The following GREB1L variants were observed in gnomAD, a reference collection of about 807,000 sequenced individuals.
GREB1L encodes the protein GREB1 like retinoic acid receptor coactivator.
Under a neutral mutation model 200.8 loss-of-function variants are expected in GREB1L, and 17 were observed. The ratio of observed to expected loss-of-function variants is 0.08; its 90% confidence interval spans 0.06 to 0.13. GREB1L has a LOEUF of 0.13. Among genes scored for constraint, GREB1L ranks in the 10% least tolerant of loss-of-function variants. The pLI, the probability that GREB1L is intolerant of heterozygous loss-of-function variation, is 1.00. For synonymous variants in GREB1L, 789 were observed against 893.0 expected (o/e 0.88, Z 2.08); for missense variants, 1,657 against 2,367.7 (o/e 0.70, Z 6.23).
chr18:21,481,424 C>T (rs1240535288), intron 17 of GREB1L, among the ~76,000 whole-genome samples: 2 of 140,332 alleles, frequency 1.4e-5, no homozygotes, highest in Non-Finnish European at 3.1e-5. Context: ...GATTTTTGAG[C>T]AACAGTATAT....
chr18:21,448,494 G>A (rs1182764975), intron 11 of GREB1L, among the ~76,000 whole-genome samples: 1 of 152,158 alleles, frequency 6.6e-6, no homozygotes, highest in Admixed American at 6.6e-5. Context: ...ACTCATTTGT[G>A]GTGCCTCCTT....
chr18:21,265,078 G>A (rs2037945440), intron 1 of GREB1L, among the ~76,000 whole-genome samples: 1 of 151,984 alleles, frequency 6.6e-6, no homozygotes, highest in Non-Finnish European at 1.5e-5. Flanking sequence ...TCAGATTAGA[G>A]CAATTCAGAT....
intron 25 of GREB1L, among the ~76,000 whole-genome samples, chr18:21,507,872 G>A (rs1286385835): frequency 6.6e-6 from 1 of 152,204 alleles, no homozygotes; most frequent in Non-Finnish European, 1.5e-5. Context: ...GCAGTGCCAG[G>A]CAACAAGTAC....
At chr18:21,289,014 G>A (rs535906662) in intron 1 of GREB1L, among the ~76,000 whole-genome samples, 135 of 152,256 alleles carry the variant, frequency 8.9e-4, no homozygotes, top group African/African-American at 3.2e-3. Context: ...GGGATTACAG[G>A]CGTGAGCCAC....
chr18:21,500,660 G>C lies in GREB1L; in HGVS notation c.4072+18G>C. On this transcript the variant is annotated intron_variant, in intron 23 of 32. Transcript: ENST00000424526. The stretch of plus-strand genomic sequence containing the variant: ...CAACACCGGTGAGTGCTGAGCCCAG[G>C]GAGTGGGCAGAGGGGCAAGAGACAA... 1.3e-6 allele frequency: 2 copies of C among 1,481,498 alleles called. No individual in the cohort carries two copies. Among genetic ancestry groups the C allele is most frequent in the Non-Finnish European group, 1.8e-6 (2 of 1,101,024 alleles). The allele number at this position is 1,481,498 out of a possible 1,614,324, so 91.8% of individuals were successfully genotyped here. A position where few individuals can be genotyped will look rare whatever the true frequency, so the allele number is the denominator to read the frequency against.
intron 1 of GREB1L, among the ~76,000 whole-genome samples, chr18:21,298,646 T>C (rs901167482): frequency 2.0e-5 from 3 of 152,208 alleles, no homozygotes; most frequent in Admixed American, 2.0e-4. Context: ...TACTTTGCCA[T>C]ATACATTTGT....
At chr18:21,400,689 G>A (rs1311269707) in intron 5 of GREB1L, among the ~76,000 whole-genome samples, 2 of 152,176 alleles carry the variant, frequency 1.3e-5, no homozygotes, top group Non-Finnish European at 2.9e-5. Flanking sequence ...TCCCAGACTG[G>A]GTCAGACGGT....
At chr18:21,379,969 C>T (rs567470956) in intron 2 of GREB1L, among the ~76,000 whole-genome samples, 1 of 152,238 alleles carries the variant, frequency 6.6e-6, no homozygotes, top group African/African-American at 2.4e-5. Flanking sequence ...ATTTTATATA[C>T]ATATGCAACT....
chr18:21,414,741 AAAGGGAGAACACCACGGT>A, intron 7 of GREB1L, among the ~76,000 whole-genome samples: 1 of 152,314 alleles, frequency 6.6e-6, no homozygotes, highest in East Asian at 1.9e-4. Context: ...ACAGGAAAAC[AAAGGGAGAACACCACGGT>A]TATAGAATCA....
chr18:21,311,296 A>G (rs546757405), intron 1 of GREB1L, among the ~76,000 whole-genome samples: 1 of 152,252 alleles, frequency 6.6e-6, no homozygotes, highest in Non-Finnish European at 1.5e-5. Context: ...AGCAAATTAC[A>G]CATAAAATTT....
intron 3 of GREB1L, among the ~76,000 whole-genome samples, chr18:21,384,003 T>C (rs1433440046): frequency 6.6e-6 from 1 of 152,186 alleles, no homozygotes; most frequent in Non-Finnish European, 1.5e-5. Context: ...CATGAGCCAC[T>C]GCACCCGGCC....
chr18:21,523,096 G>A lies in GREB1L; in HGVS notation c.*275G>A, dbSNP rs1278960982. ...CGGTCTGCCCATGGGATCCTGAGGA[G>A]GATATACTTTGGAGAGTGAATATGG... On this transcript the variant is annotated 3_prime_UTR_variant, in exon 33 of 33. Coordinates refer to ENST00000424526, the MANE Select transcript of GREB1L (RefSeq NM_001142966.3). 2 of 289,844 alleles carry A rather than the reference G, an allele frequency of 6.9e-6. No individual in the cohort carries two copies. The highest frequency in any genetic ancestry group is 1.3e-5 in the Non-Finnish European group (2 of 156,904). The allele number at this position is 289,844 out of a possible 1,614,324, so 18.0% of individuals were successfully genotyped here. A position where few individuals can be genotyped will look rare whatever the true frequency, so the allele number is the denominator to read the frequency against.
chr18:21,410,340 A>G (rs2030811816), intron 7 of GREB1L, among the ~76,000 whole-genome samples: 1 of 151,992 alleles, frequency 6.6e-6, no homozygotes, highest in Non-Finnish European at 1.5e-5. Flanking sequence ...CTGTCAGTAT[A>G]AAGGTGAATA....
At chr18:21,428,866 C>G (rs755456449) in intron 7 of GREB1L, among the ~76,000 whole-genome samples, 19 of 151,592 alleles carry the variant, frequency 1.3e-4, no homozygotes, top group Non-Finnish European at 2.5e-4. Flanking sequence ...TACAGGTGCC[C>G]GCCATCACAC....
At chr18:21,505,738 A>G (rs770105950) in intron 24 of GREB1L, 72 bp from the exon 25 acceptor site, 343 of 1,459,452 alleles carry the variant, frequency 2.4e-4, no homozygotes, top group Middle Eastern at 1.1e-3. Flanking sequence ...TTGGGGAAAG[A>G]GGGACTTTTC....
chr18:21,265,905 G>A (rs2037958952), intron 1 of GREB1L, among the ~76,000 whole-genome samples: 1 of 152,040 alleles, frequency 6.6e-6, no homozygotes. Context: ...AAAAGCCTAT[G>A]TTCATGGAGA....
At chr18:21,288,466 G>T (rs1390321463) in intron 1 of GREB1L, among the ~76,000 whole-genome samples, 1 of 151,958 alleles carries the variant, frequency 6.6e-6, no homozygotes, top group Admixed American at 6.6e-5. Context: ...GTAAGCGCAG[G>T]TTCGAAAAAA....
chr18:21,372,896 AATT>A (rs1316838981), intron 2 of GREB1L, among the ~76,000 whole-genome samples: 1 of 152,020 alleles, frequency 6.6e-6, no homozygotes, highest in African/African-American at 2.4e-5. Flanking sequence ...AACAACAAAA[AATT>A]ATGAGATTTT....
chr18:21,355,472 G>A (rs1451150070), intron 1 of GREB1L, among the ~76,000 whole-genome samples: 2 of 152,072 alleles, frequency 1.3e-5, no homozygotes, highest in African/African-American at 2.4e-5. Context: ...GATTACAGGC[G>A]TGAGCCACCA....
Sources: allele counts gnomAD v4.1 joint callset (sites outside exome capture counted in the v4.1 genomes callset), GRCh38; gene constraint gnomAD v4.1.1; transcripts MANE v1.5; gene names NCBI Gene and HGNC (gene_info 2026-07-23, HGNC 2026-07-21).